The following CPEB3 variants were observed in gnomAD, a reference collection of about 807,000 sequenced individuals.
The protein encoded by CPEB3 is cytoplasmic polyadenylation element-binding protein 3.
A neutral mutation model predicts 67.2 loss-of-function variants in CPEB3; 20 were observed. That is an observed-to-expected ratio of 0.30 (90% confidence interval 0.21 to 0.43). The LOEUF is 0.43. Ranked by LOEUF, CPEB3 falls within the 20% of genes least tolerant of loss-of-function variation. CPEB3 has a pLI of 1.00. For synonymous variants in CPEB3, 376 were observed against 393.1 expected, an observed-to-expected ratio of 0.96 and a Z score of 0.51; for missense variants, 746 against 968.6, an observed-to-expected ratio of 0.77 and a Z score of 3.05.
chr10:92,102,106 C>A lies in CPEB3; in HGVS notation c.1572+8970G>T, dbSNP rs370505149. ...CATAGCTCCCTAACAAATAGGTCAG[C>A]CAGTTTCAGGAGTTTAGATGCTATC... On this transcript the variant is annotated intron_variant, in intron 7 of 9. Coordinates refer to ENST00000265997, the MANE Select transcript of CPEB3 (RefSeq NM_014912.5). 5.3e-5 allele frequency among the ~76,000 whole-genome samples: 8 copies of A among 152,238 alleles called. 1 individual carries two copies. In the East Asian group the frequency reaches 5.8e-4, roughly 11 times the overall value.
Position 92,051,061 on chromosome 10 carries a change from C to T in CPEB3, c.*1151G>A, listed in dbSNP as rs1264081668. 6.6e-6 allele frequency: 1 copy of T among 152,564 alleles called. No individual in the cohort carries two copies. Among genetic ancestry groups the T allele is most frequent in the Non-Finnish European group, 1.5e-5 (1 of 68,040 alleles). 9.5% of individuals were successfully genotyped at this position (152,564 alleles called of 1,614,324 possible). A position where few individuals can be genotyped will look rare whatever the true frequency, so the allele number is the denominator to read the frequency against. On this transcript the variant is annotated 3_prime_UTR_variant, in exon 10 of 10. Coordinates refer to ENST00000265997, the MANE Select transcript of CPEB3 (RefSeq NM_014912.5). ...ATATATAACAGAGCACCGCAAAGTA[C>T]TTCATCTACCATCCACAAATTTGCT...
intron 3 of CPEB3, among the ~76,000 whole-genome samples, chr10:92,186,886 C>T (rs1848720614): frequency 6.6e-6 from 1 of 152,122 alleles, no homozygotes; most frequent in South Asian, 2.1e-4. Flanking sequence ...TGACTTAGAA[C>T]CTGCCCCCTA....
chr10:92,214,089 T>C (rs564802328), intron 2 of CPEB3, among the ~76,000 whole-genome samples: 5 of 152,312 alleles, frequency 3.3e-5, no homozygotes. Context: ...CCACCTGCTA[T>C]GGACTGAATG....
rs370091703 is a variant in CPEB3, at chr10:92,253,463, C to CAAAAAAAA, written c.-11-13110_-11-13103dup. 9.4e-4 allele frequency among the ~76,000 whole-genome samples: 72 copies of CAAAAAAAA among 76,436 alleles called. No individual in the cohort carries two copies. The Middle Eastern group carries it at 0.036, about 38-fold the overall frequency. The allele number at this position is 76,436 out of a possible 152,430, so 50.1% of individuals were successfully genotyped here. A position where few individuals can be genotyped will look rare whatever the true frequency, so the allele number is the denominator to read the frequency against. On this transcript the variant is annotated intron_variant, in intron 1 of 9. Coordinates refer to ENST00000265997, the MANE Select transcript of CPEB3 (RefSeq NM_014912.5). ...AACAGAGCAAGACTCTGTCTCAAAA[C>CAAAAAAAA]AAAAAAAAAAAAAAAAAAAAAGAAA... is the stretch of plus-strand genomic sequence containing the variant.
intron 9 of CPEB3, among the ~76,000 whole-genome samples, chr10:92,061,479 A>G (rs949176198): frequency 2.6e-5 from 4 of 152,036 alleles, no homozygotes; most frequent in Non-Finnish European, 4.4e-5. Flanking sequence ...GAACATATAC[A>G]CAATGGAGTT....
intron 3 of CPEB3, among the ~76,000 whole-genome samples, chr10:92,191,611 G>C (rs1848989467): frequency 6.6e-6 from 1 of 152,076 alleles, no homozygotes; most frequent in Non-Finnish European, 1.5e-5. Context: ...TGGGCCTAGA[G>C]AGAACCGGAG....
At chr10:92,094,630 T>C (rs543816446) in intron 7 of CPEB3, among the ~76,000 whole-genome samples, 1 of 151,938 alleles carries the variant, frequency 6.6e-6, no homozygotes, top group Non-Finnish European at 1.5e-5. Context: ...GTTCTTTCCA[T>C]GTAAATTTTG....
At chr10:92,168,891 G>C (rs1046600734) in intron 4 of CPEB3, among the ~76,000 whole-genome samples, 3 of 150,336 alleles carry the variant, frequency 2.0e-5, no homozygotes, top group African/African-American at 7.4e-5. Flanking sequence ...TGCCTCCCAG[G>C]TTCAAGCGAT....
chr10:92,105,358 TC>T (rs1844393747), intron 7 of CPEB3, among the ~76,000 whole-genome samples: 1 of 152,210 alleles, frequency 6.6e-6, no homozygotes. Context: ...CAATTTAATT[TC>T]TCTCTATTCC....
chr10:92,283,900 G>A (rs1590620374), intron 1 of CPEB3, among the ~76,000 whole-genome samples: 1 of 148,906 alleles, frequency 6.7e-6, no homozygotes, highest in Non-Finnish European at 1.5e-5. Flanking sequence ...CTATTTTTTT[G>A]TATTTTTAGT....
At chr10:92,062,949 C>G (rs145632249) in intron 9 of CPEB3, among the ~76,000 whole-genome samples, 4 of 152,316 alleles carry the variant, frequency 2.6e-5, no homozygotes, top group Non-Finnish European at 5.9e-5. Flanking sequence ...TAGATTCCTA[C>G]TCATAAGCCT....
At position 92,211,438 on chromosome 10, in the gene CPEB3, G is replaced by T. The variant is rs1259425379; in HGVS notation, c.1006-18802C>A. On this transcript the variant is annotated intron_variant, in intron 2 of 9. Transcript: ENST00000265997. ...GAAACCACATAGAAACAGAAACTAT[G>T]ACTCAGAACAGATAAACTGTGCCAA... Among the ~76,000 whole-genome samples, 8 of 151,972 alleles carry T rather than the reference G, an allele frequency of 5.3e-5. 1 individual carries two copies. The highest frequency in any genetic ancestry group is 1.2e-4 in the Non-Finnish European group (8 of 68,002).
chr10:92,166,177 C>T (rs1046520557), intron 4 of CPEB3, among the ~76,000 whole-genome samples: 6 of 151,078 alleles, frequency 4.0e-5, no homozygotes, highest in Non-Finnish European at 8.8e-5. Flanking sequence ...GGCGTGATCT[C>T]GGCTCACTGC....
chr10:92,186,419 C>T (rs1387041519), intron 3 of CPEB3, among the ~76,000 whole-genome samples: 1 of 139,406 alleles, frequency 7.2e-6, no homozygotes, highest in Non-Finnish European at 1.5e-5. Flanking sequence ...TCATCTTTAT[C>T]TTTTAAAACT....
intron 6 of CPEB3, among the ~76,000 whole-genome samples, chr10:92,131,089 A>C (rs1845824400): frequency 6.6e-6 from 1 of 152,200 alleles, no homozygotes; most frequent in Non-Finnish European, 1.5e-5. Flanking sequence ...AGAGCAAAAC[A>C]CAACAGGAGC....
chr10:92,200,336 G>C (rs1590369574), intron 2 of CPEB3, among the ~76,000 whole-genome samples: 1 of 151,932 alleles, frequency 6.6e-6, no homozygotes, highest in South Asian at 2.1e-4. Flanking sequence ...CCTGAGGTCG[G>C]GAGTTCGAGA....
intron 2 of CPEB3, among the ~76,000 whole-genome samples, chr10:92,218,346 G>A (rs1015345893): frequency 2.0e-5 from 3 of 152,120 alleles, no homozygotes; most frequent in African/African-American, 7.2e-5. Context: ...GGTGGAGGTC[G>A]CAGTGAGCTG....
chr10:92,149,968 A>G (rs1393818760), intron 4 of CPEB3, among the ~76,000 whole-genome samples: 2 of 152,234 alleles, frequency 1.3e-5, no homozygotes, highest in Non-Finnish European at 2.9e-5. Flanking sequence ...ATCCAAGTTC[A>G]ATCAAGTTAA....
intron 1 of CPEB3, among the ~76,000 whole-genome samples, chr10:92,260,772 CT>C (rs1050354996): frequency 5.0e-4 from 76 of 151,996 alleles, no homozygotes; most frequent in African/African-American, 1.8e-3. Context: ...CCATACCCAG[CT>C]AATTTTTGTA....
Sources: gnomAD v4.1 joint callset for allele counts (sites outside exome capture counted in the v4.1 genomes callset) on GRCh38, gnomAD v4.1.1 for gene constraint, MANE v1.5 for transcripts, NCBI Gene and HGNC (gene_info 2026-07-23, HGNC 2026-07-21) for gene names.